Variants in DRC7 observed in about 807,000 individuals in gnomAD.
DRC7 encodes dynein regulatory complex subunit 7.
In DRC7, 80 loss-of-function variants were observed where a neutral mutation model predicts 104.4. The ratio of observed to expected loss-of-function variants is 0.77; its 90% confidence interval spans 0.64 to 0.92. The LOEUF is 0.92. Ranked by LOEUF, DRC7 falls within the 40% of genes least tolerant of loss-of-function variation. The probability of loss-of-function intolerance (pLI) is 0.00; values close to 1 mark genes in which losing one functional copy is unlikely to be tolerated. For missense variants in DRC7, 1,034 were observed against 1,141.1 expected (o/e 0.91, Z 1.35); for synonymous variants, 405 against 447.3 (o/e 0.91, Z 1.19).
At chr16:57,696,389 T>C (rs1453911029) in intron 1 of DRC7, 75 bp from the exon 2 acceptor site, 2 of 152,178 alleles carry the variant, frequency 1.3e-5, no homozygotes, top group African/African-American at 4.8e-5. Flanking sequence ...TCCCACTTTA[T>C]CTCCACATTC....
intron 8 of DRC7, among the ~76,000 whole-genome samples, chr16:57,717,233 GT>G (rs869088347): frequency 5.0e-4 from 63 of 126,900 alleles, no homozygotes; most frequent in East Asian, 1.1e-3. Flanking sequence ...CCCACCTGCT[GT>G]TTTTTTTTTT....
At chr16:57,710,157 C>A (rs1322106430) in intron 8 of DRC7, among the ~76,000 whole-genome samples, 3 of 152,186 alleles carry the variant, frequency 2.0e-5, no homozygotes, top group Non-Finnish European at 2.9e-5. Flanking sequence ...ACCCATGAAC[C>A]ATGGTATCTC....
rs771026607 is a variant in DRC7, at chr16:57,724,757, C to T, written c.1680C>T (p.Ser560=). 2 of 1,613,896 alleles carry T rather than the reference C, an allele frequency of 1.2e-6. No homozygotes were observed. Among genetic ancestry groups the T allele is most frequent in the African/African-American group, 2.7e-5 (2 of 75,034 alleles). The change falls in exon 13 of 19, where the codon TCC becomes TCT. Residue 560 remains serine (S), a synonymous_variant. Coordinates refer to ENST00000360716, the MANE Select transcript of DRC7 (RefSeq NM_001289162.2). The part of the protein sequence containing the change: ...EYYQGRPDFL[S]YRHASFGPRV... Reference sequence around the variant, plus strand: ...ATCAAGGACGCCCAGACTTCCTCTCCTACCGCCATGCCAGCTTCGGACCCC... The same window carrying T: ...ATCAAGGACGCCCAGACTTCCTCTCTTACCGCCATGCCAGCTTCGGACCCC...
chr16:57,702,022 T>C lies in DRC7; in HGVS notation c.591T>C (p.Leu197=), dbSNP rs543661399. The C allele has an allele frequency of 1.2e-6, 2 of 1,614,212 alleles. No homozygotes were observed. The highest frequency in any genetic ancestry group is 2.2e-5 in the South Asian group (2 of 91,086). Residue 197 remains leucine (L), a synonymous_variant, in exon 6 of 19, where the codon CTT becomes CTC. Coordinates refer to ENST00000360716, the MANE Select transcript of DRC7 (RefSeq NM_001289162.2). ...FDFSTLLCSM[L]IGSGYDAYCV... is the part of the protein sequence containing the mutation. ...TCAGTACGCTGCTCTGCTCCATGCT[T>C]ATCGGCTCTGGCTATGATGCTTACT...
At position 57,698,930 on chromosome 16, in the gene DRC7, T is replaced by A. The variant is rs754730918; in HGVS notation, c.284T>A (p.Leu95Gln). Residue 95 changes from leucine to glutamine, a missense_variant, in exon 4 of 19, where the codon CTG becomes CAG. Leu to Gln is a moderately radical substitution (Grantham distance 113). Coordinates refer to ENST00000360716, the MANE Select transcript of DRC7 (RefSeq NM_001289162.2). ...KTNTPKEEHL[L>Q]QVADNFSRQY... is the part of the protein sequence containing the mutation. ...AACACACCCAAGGAGGAACACCTGC[T>A]GCAGGTGGCAGACAACTTCTCCCGC... The A allele has an allele frequency of 6.2e-7, 1 of 1,614,162 alleles. No individual in the cohort carries two copies. Among genetic ancestry groups the A allele is most frequent in the South Asian group, 1.1e-5 (1 of 91,092 alleles).
chr16:57,729,818 G>A (rs1371879091), intron 17 of DRC7, among the ~76,000 whole-genome samples: 1 of 142,682 alleles, frequency 7.0e-6, no homozygotes, highest in East Asian at 2.2e-4. Context: ...GAGTAGGTGG[G>A]TGGATGGACG....
chr16:57,707,527 C>T lies in DRC7; in HGVS notation c.926C>T (p.Ser309Leu), dbSNP rs749727125. Residue 309 changes from serine (S) to leucine (L), a missense_variant, in exon 8 of 19, where the codon TCG (serine) becomes TTG (leucine). By Grantham distance (145) the Ser-to-Leu change is moderately radical. Coordinates refer to ENST00000360716, the MANE Select transcript of DRC7 (RefSeq NM_001289162.2). The stretch of plus-strand genomic sequence containing the variant: ...GTGCACTCCTGGGTCCTTGTGCTAT[C>T]GGGGAAGCGCGAGGTGCCTGAGAAC... ...LRVHSWVLVL[S>L]GKREVPENFF... 14 of 1,613,354 alleles carry T rather than the reference C, an allele frequency of 8.7e-6. No homozygotes were observed. Among genetic ancestry groups the T allele is most frequent in the African/African-American group, 5.3e-5 (4 of 74,922 alleles).
intron 6 of DRC7, among the ~76,000 whole-genome samples, chr16:57,703,692 G>A (rs1018306392): frequency 2.6e-4 from 40 of 152,292 alleles, no homozygotes; most frequent in African/African-American, 8.4e-4. Context: ...GGGCACGGTG[G>A]CTCATTTTGG....
At chr16:57,730,055 T>C (rs1232354138) in intron 17 of DRC7, among the ~76,000 whole-genome samples, 65 of 105,044 alleles carry the variant, frequency 6.2e-4, no homozygotes, top group Non-Finnish European at 1.5e-4. Flanking sequence ...GACGGATGGA[T>C]GGATGGATGG....
chr16:57,728,750 CTT>C (rs2049004893), intron 17 of DRC7, among the ~76,000 whole-genome samples, 166 bp downstream of exon 17: 1 of 122,040 alleles, frequency 8.2e-6, no homozygotes, highest in South Asian at 2.8e-4. Context: ...CCTCCTCACA[CTT>C]GTTTATCGGA....
In DRC7 at chr16:57,707,489, G is replaced by A; in HGVS notation, c.888G>A (p.Leu296=). 6.2e-7 allele frequency: 1 copy of A among 1,613,302 alleles called. No individual in the cohort carries two copies. The highest frequency in any genetic ancestry group is 2.2e-5 in the East Asian group (1 of 44,880). Residue 296 remains leucine, a synonymous_variant, in exon 8 of 19, where the codon CTG becomes CTA. Transcript: ENST00000360716. ...CGGAGAAGGCAAAGCCGGATGCCCT[G>A]CACGGCCTGCGGGTGCACTCCTGGG... The part of the protein sequence containing the change: ...MEAEKAKPDA[L]HGLRVHSWVL...
At chr16:57,719,519 A>G (rs1288944580) in intron 9 of DRC7, among the ~76,000 whole-genome samples, 3 of 150,098 alleles carry the variant, frequency 2.0e-5, no homozygotes, top group African/African-American at 7.4e-5. Context: ...TTTTCTTTTT[A>G]TTTTTTTTTG....
In DRC7 at chr16:57,708,229, C is replaced by T. The variant is rs111345719; in HGVS notation, c.1077+551C>T. 4.6e-3 allele frequency among the ~76,000 whole-genome samples: 693 copies of T among 152,272 alleles called. 5 individuals are homozygous for T. The highest frequency in any genetic ancestry group is 0.016 in the African/African-American group (661 of 41,544). On this transcript the variant is annotated intron_variant, in intron 8 of 18. Coordinates refer to ENST00000360716, the MANE Select transcript of DRC7 (RefSeq NM_001289162.2). ...ACTGAACACACCTGTGTAGCCAGGA[C>T]CATTAGAAGCCCCCTCATGTCTCCT...
rs1319129585 is a variant in DRC7, at chr16:57,697,893, A to T, written c.-37-20A>T. 6.3e-7 allele frequency: 1 copy of T among 1,582,992 alleles called. No homozygotes were observed. The highest frequency in any genetic ancestry group is 1.3e-5 in the African/African-American group (1 of 74,298). The stretch of plus-strand genomic sequence containing the variant: ...CTGGGCTGACAGTCGGCCATGGAGT[A>T]TACTTACCCTTCCCCACAGAGACAT... On this transcript the variant is annotated intron_variant, in intron 2 of 18. Transcript: ENST00000360716.
chr16:57,710,855 T>A (rs2048785582), intron 8 of DRC7, among the ~76,000 whole-genome samples: 1 of 152,264 alleles, frequency 6.6e-6, no homozygotes, highest in African/African-American at 2.4e-5. Context: ...ATTGTGATGG[T>A]TAAATCTTTT....
At position 57,707,645 on chromosome 16, in the gene DRC7, G is replaced by A; in HGVS notation, c.1044G>A (p.Trp348Ter). The change falls in exon 8 of 19, where the codon TGG (tryptophan) becomes TGA (stop). Residue 348 changes from tryptophan to a stop codon, truncating the protein, a stop_gained. Transcript: ENST00000360716. LOFTEE classifies it high-confidence loss of function. ...IESLWNHKNYWINMQDCWNCC... is the reference protein window; with the variant it reads ...IESLWNHKNY ...GCCTGTGGAACCACAAGAACTACTG[G>A]ATCAACATGCAGGATTGCTGGAACT... 1 of 1,613,500 alleles carries A rather than the reference G, an allele frequency of 6.2e-7. No individual in the cohort carries two copies. The highest frequency in any genetic ancestry group is 8.5e-7 in the Non-Finnish European group (1 of 1,180,004).
At chr16:57,697,751 CT>C in intron 2 of DRC7, 161 bp from the exon 3 acceptor site, 1 of 756,352 alleles carries the variant, frequency 1.3e-6, no homozygotes, top group Admixed American at 2.4e-5. Context: ...CAAACAGAGA[CT>C]TTCTCCATGT....
chr16:57,715,794 C>T (rs2048836603), intron 8 of DRC7, among the ~76,000 whole-genome samples: 1 of 152,162 alleles, frequency 6.6e-6, no homozygotes, highest in African/African-American at 2.4e-5. Flanking sequence ...TGAAGGATAA[C>T]AGCCCTTCAG....
At chr16:57,703,967 C>CAA (rs35232247) in intron 6 of DRC7, among the ~76,000 whole-genome samples, 176 of 64,166 alleles carry the variant, frequency 2.7e-3, no homozygotes, top group Non-Finnish European at 3.2e-3. Flanking sequence ...ACTCTGGCTC[C>CAA]AAAAAAAAAA....
Sources: allele counts gnomAD v4.1 joint callset (sites outside exome capture counted in the v4.1 genomes callset), GRCh38; gene constraint gnomAD v4.1.1; transcripts MANE v1.5; gene names NCBI Gene and HGNC (gene_info 2026-07-23, HGNC 2026-07-21).